FOXK1: variants seen among roughly 807,000 people sequenced by gnomAD.
FOXK1 encodes forkhead box protein K1.
In FOXK1, 19 loss-of-function variants were observed where a neutral mutation model predicts 51.9. The observed-to-expected ratio is 0.37, with a 90% CI of 0.26 to 0.54. FOXK1 has a LOEUF of 0.54. Ranked by LOEUF, FOXK1 falls within the 20% of genes least tolerant of loss-of-function variation. The probability of loss-of-function intolerance (pLI) is 0.87; values close to 1 mark genes in which losing one functional copy is unlikely to be tolerated. For missense variants in FOXK1, 870 were observed against 1,032.7 expected, an observed-to-expected ratio of 0.84 and a Z score of 2.16; for synonymous variants, 537 against 482.6, an observed-to-expected ratio of 1.11 and a Z score of -1.48.
At chr7:4,690,036 C>T (rs193070553) in intron 1 of FOXK1, among the ~76,000 whole-genome samples, 6 of 152,196 alleles carry the variant, frequency 3.9e-5, no homozygotes, top group African/African-American at 1.4e-4. Context: ...AAGGATCAGC[C>T]TGCAGTGCCA....
At chr7:4,706,006 A>ATATATATACGTG (rs1780093029) in intron 1 of FOXK1, among the ~76,000 whole-genome samples, 4 of 100,228 alleles carry the variant, frequency 4.0e-5, no homozygotes, top group African/African-American at 2.7e-4. Flanking sequence ...ATATATACGT[A>ATATATATACGTG]TATATACGTA....
chr7:4,761,139 A>G lies in FOXK1; in HGVS notation c.1772A>G (p.Gln591Arg). ...GGAGTCATCCAGACGGTGGCCAGCC[A>G]GATGGCCCCCGGGGTCCCCGGACAC... ...AGGVIQTVASQMAPGVPGHTV... is the reference protein window; with the variant it reads ...AGGVIQTVASRMAPGVPGHTV... The change falls in exon 8 of 9, where the codon CAG becomes CGG. Residue 591 changes from glutamine to arginine, a missense_variant. Gln to Arg is a conservative substitution (Grantham distance 43). Coordinates refer to ENST00000328914, the MANE Select transcript of FOXK1 (RefSeq NM_001037165.2). This position sits in a 1 kb window ranked among gnomAD's most constrained non-coding sequence, Gnocchi z 6.2. 1 of 1,612,982 alleles carries G rather than the reference A, an allele frequency of 6.2e-7. No individual in the cohort carries two copies. Among genetic ancestry groups the G allele is most frequent in the South Asian group, 1.1e-5 (1 of 91,080 alleles).
chr7:4,735,469 C>G lies in FOXK1; in HGVS notation c.561-5369C>G, dbSNP rs1583201614. On this transcript the variant is annotated intron_variant, in intron 1 of 8. Coordinates refer to ENST00000328914, the MANE Select transcript of FOXK1 (RefSeq NM_001037165.2). The surrounding 1 kb of genome is among the most constrained non-coding windows in gnomAD (Gnocchi z 4.7). ...AGTCAACTTCGGAACATTTTCCTGA[C>G]TCTAGAAAGAACCCCCTAGCTCTTA... 6.6e-6 allele frequency among the ~76,000 whole-genome samples: 1 copy of G among 152,196 alleles called. No homozygotes were observed. Among genetic ancestry groups the G allele is most frequent in the African/African-American group, 2.4e-5 (1 of 41,452 alleles).
Position 4,759,351 on chromosome 7 carries a change from T to C in FOXK1, c.1452T>C (p.Pro484=). The C allele has an allele frequency of 1.2e-6, 2 of 1,601,880 alleles. No individual in the cohort carries two copies. The highest frequency in any genetic ancestry group is 1.3e-5 in the African/African-American group (1 of 74,976). Residue 484 remains proline, a synonymous_variant, in exon 7 of 9, where the codon CCT becomes CCC. Coordinates refer to ENST00000328914, the MANE Select transcript of FOXK1 (RefSeq NM_001037165.2). ...CCCAGCCAGTGATCATGGCCGTGCC[T>C]CCCCGACCGTCCAGCCTCGTGGCCA... The part of the protein sequence containing the change: ...VSAQPVIMAV[P]PRPSSLVAKP...
chr7:4,684,793 G>T, intron 1 of FOXK1, among the ~76,000 whole-genome samples: 1 of 152,120 alleles, frequency 6.6e-6, no homozygotes. Context: ...CCTGAGTCAG[G>T]CCCAGCTTTA....
rs776449631 is a variant in FOXK1, at chr7:4,762,510, C to G, written c.*46C>G. 169 of 1,504,172 alleles carry G rather than the reference C, an allele frequency of 1.1e-4. No individual in the cohort carries two copies. The highest frequency in any genetic ancestry group is 4.8e-4 in the Middle Eastern group (2 of 4,176). 93.2% of individuals were successfully genotyped at this position (1,504,172 alleles called of 1,614,324 possible). A position where few individuals can be genotyped will look rare whatever the true frequency, so the allele number is the denominator to read the frequency against. On this transcript the variant is annotated 3_prime_UTR_variant, in exon 9 of 9. Coordinates refer to ENST00000328914, the MANE Select transcript of FOXK1 (RefSeq NM_001037165.2). The surrounding 1 kb of genome is among the most constrained non-coding windows in gnomAD (Gnocchi z 5.7). ...AGTGGGACTCACCCAGCGGCGACCCCGAAGCTGGACCCGGCAGCTCAGGCG... is the reference window on the plus strand; with the variant it reads ...AGTGGGACTCACCCAGCGGCGACCCGGAAGCTGGACCCGGCAGCTCAGGCG...
At position 4,727,558 on chromosome 7, in the gene FOXK1, T is replaced by C. The variant is rs558656935; in HGVS notation, c.561-13280T>C. Among the ~76,000 whole-genome samples, 18 of 152,260 alleles carry C rather than the reference T, an allele frequency of 1.2e-4. No individual in the cohort carries two copies. In the South Asian group the frequency reaches 3.7e-3, roughly 32 times the overall value. On this transcript the variant is annotated intron_variant, in intron 1 of 8. Transcript: ENST00000328914. ...TTGAACTCCTGACCTCAGGTGATCCTCCTGCCTTGGCCTCCCAAAGTACTG... is the reference window on the plus strand; with the variant it reads ...TTGAACTCCTGACCTCAGGTGATCCCCCTGCCTTGGCCTCCCAAAGTACTG...
rs761246834 is a variant in FOXK1, at chr7:4,683,849, G to A, written c.560+981G>A. 6.6e-6 allele frequency among the ~76,000 whole-genome samples: 1 copy of A among 152,342 alleles called. No individual in the cohort carries two copies. Among genetic ancestry groups the A allele is most frequent in the South Asian group, 2.1e-4 (1 of 4,834 alleles). On this transcript the variant is annotated intron_variant, in intron 1 of 8. Coordinates refer to ENST00000328914, the MANE Select transcript of FOXK1 (RefSeq NM_001037165.2). This position sits in a 1 kb window ranked among gnomAD's most constrained non-coding sequence, Gnocchi z 4.5. ...AAGTGCGAGGTCCCTAGGAGTGTGG[G>A]CTGTGCTGAAGGAGCAGAGGCCTGG...
intron 1 of FOXK1, among the ~76,000 whole-genome samples, chr7:4,725,221 G>T (rs1780364364): frequency 6.6e-6 from 1 of 152,250 alleles, no homozygotes; most frequent in Non-Finnish European, 1.5e-5. Context: ...GATCGGAGCT[G>T]CCTCTTGAGA....
At chr7:4,689,850 C>G (rs1464365882) in intron 1 of FOXK1, among the ~76,000 whole-genome samples, 1 of 152,194 alleles carries the variant, frequency 6.6e-6, no homozygotes, top group East Asian at 1.9e-4. Flanking sequence ...TGTCACTGCC[C>G]TCACCCAGTC....
In FOXK1 at chr7:4,753,526, C is replaced by T. The variant is rs1583210247; in HGVS notation, c.747-933C>T. 6.6e-6 allele frequency among the ~76,000 whole-genome samples: 1 copy of T among 152,264 alleles called. No homozygotes were observed. Among genetic ancestry groups the T allele is most frequent in the East Asian group, 1.9e-4 (1 of 5,174 alleles). On this transcript the variant is annotated intron_variant, in intron 2 of 8. Coordinates refer to ENST00000328914, the MANE Select transcript of FOXK1 (RefSeq NM_001037165.2). The surrounding 1 kb of genome is among the most constrained non-coding windows in gnomAD (Gnocchi z 4.9). ...GCTGAGAGGGGGGATGTCAGCATCA[C>T]AGGTGGGCAGGGTCCATCTCAGGAC...
At position 4,762,456 on chromosome 7, in the gene FOXK1, G is replaced by A. The variant is rs765393957; in HGVS notation, c.2194G>A (p.Gly732Arg). ...TGCCGGCCCCCAGGGGCCAGGCACCGGGGAGTGAGGTCACCTGCAACGCGG... is the reference window on the plus strand; with the variant it reads ...TGCCGGCCCCCAGGGGCCAGGCACCAGGGAGTGAGGTCACCTGCAACGCGG... ...AAAGPQGPGT[G>R]E Residue 732 changes from glycine to arginine, a missense_variant, in exon 9 of 9, where the codon GGG (glycine) becomes AGG (arginine). Transcript: ENST00000328914. The surrounding 1 kb of genome is among the most constrained non-coding windows in gnomAD (Gnocchi z 5.7). 1.2e-4 allele frequency: 187 copies of A among 1,541,494 alleles called. 1 individual carries two copies. Among genetic ancestry groups the A allele is most frequent in the Middle Eastern group, 2.3e-4 (1 of 4,368 alleles).
At chr7:4,701,791 G>A (rs993753718) in intron 1 of FOXK1, among the ~76,000 whole-genome samples, 5 of 152,258 alleles carry the variant, frequency 3.3e-5, no homozygotes, top group Admixed American at 1.3e-4. Flanking sequence ...TACTCGGGAG[G>A]CTGAGGCAGG....
intron 1 of FOXK1, among the ~76,000 whole-genome samples, chr7:4,719,968 C>T (rs989331940): frequency 2.0e-5 from 3 of 152,110 alleles, no homozygotes; most frequent in Non-Finnish European, 2.9e-5. Context: ...TCTCATTGGA[C>T]GCCTGCGCCC....
At position 4,703,751 on chromosome 7, in the gene FOXK1, C is replaced by T. The variant is rs965693295; in HGVS notation, c.560+20883C>T. ...GAGGCCCTTCAGTGCTCCGGAGGCA[C>T]TTTCAGAGCATCGTGACTAGATAAA... On this transcript the variant is annotated intron_variant, in intron 1 of 8. Transcript: ENST00000328914. This position sits in a 1 kb window ranked among gnomAD's most constrained non-coding sequence, Gnocchi z 5.6. Among the ~76,000 whole-genome samples the T allele has an allele frequency of 6.6e-6, 1 of 152,126 alleles. No homozygotes were observed. The highest frequency in any genetic ancestry group is 1.5e-5 in the Non-Finnish European group (1 of 68,030).
At chr7:4,740,693 TA>T in intron 1 of FOXK1, 144 bp from the exon 2 acceptor site, 1 of 716,326 alleles carries the variant, frequency 1.4e-6, no homozygotes. Flanking sequence ...AGTGTCCTGA[TA>T]AAAGCATCGA....
intron 1 of FOXK1, among the ~76,000 whole-genome samples, chr7:4,710,709 A>G (rs1462533592): frequency 6.6e-6 from 1 of 152,144 alleles, no homozygotes; most frequent in African/African-American, 2.4e-5. Context: ...AGGGAGGGTC[A>G]CATTCAGGGC....
In FOXK1 at chr7:4,769,443, C is replaced by CTT. The variant is rs71032990; in HGVS notation, c.*6991_*6992dup. ...CGGTCTCCAAGTCACTCTGTCACCA[C>CTT]TTTTTTTTTTTTTGAGATGGAGTCT... On this transcript the variant is annotated 3_prime_UTR_variant, in exon 9 of 9. Coordinates refer to ENST00000328914, the MANE Select transcript of FOXK1 (RefSeq NM_001037165.2). The surrounding 1 kb of genome is among the most constrained non-coding windows in gnomAD (Gnocchi z 4.1). 6.2e-5 allele frequency: 9 copies of CTT among 146,226 alleles called. No individual in the cohort carries two copies. Among genetic ancestry groups the CTT allele is most frequent in the Non-Finnish European group, 9.1e-5 (6 of 66,086 alleles). The allele number at this position is 146,226 out of a possible 1,614,324, so 9.1% of individuals were successfully genotyped here. A position where few individuals can be genotyped will look rare whatever the true frequency, so the allele number is the denominator to read the frequency against.
chr7:4,685,543 T>G (rs1378938177), intron 1 of FOXK1, among the ~76,000 whole-genome samples: 3 of 151,636 alleles, frequency 2.0e-5, no homozygotes, highest in Non-Finnish European at 4.4e-5. Flanking sequence ...TTTTTTTTTT[T>G]TAATTTTAGA....
Sources: gnomAD v4.1 joint callset for allele counts (sites outside exome capture counted in the v4.1 genomes callset) on GRCh38, gnomAD v4.1.1 for gene constraint, Gnocchi (gnomAD v3.1) non-coding constraint, MANE v1.5 for transcripts, NCBI Gene and HGNC (gene_info 2026-07-23, HGNC 2026-07-21) for gene names.